The following CCDC171 variants were observed in gnomAD, a reference collection of about 807,000 sequenced individuals.
CCDC171 encodes coiled-coil domain-containing protein 171.
CCDC171 carries 177 observed loss-of-function variants against 168.2 expected under a neutral mutation model. The observed-to-expected ratio is 1.05, with a 90% CI of 0.93 to 1.19. CCDC171 has a LOEUF of 1.19. CCDC171 is among the 50% of genes most tolerant of loss of function. The probability of loss-of-function intolerance (pLI) is 0.00; values close to 1 mark genes in which losing one functional copy is unlikely to be tolerated. For synonymous variants in CCDC171, 687 were observed against 540.8 expected (o/e 1.27, Z -3.75); for missense variants, 1,991 against 1,539.0 (o/e 1.29, Z -4.91).
rs145107030 is a variant in CCDC171 at position 15,800,663 on chromosome 9, G to A, written c.3267+15969G>A. 5.8e-3 allele frequency among the ~76,000 whole-genome samples: 883 copies of A among 151,956 alleles called. 8 individuals carry two copies. Among genetic ancestry groups the A allele is most frequent in the Non-Finnish European group, 9.0e-3 (614 of 67,862 alleles). On this transcript the variant is annotated intron_variant, in intron 21 of 25. Transcript: ENST00000380701. ...TTTCTTTGGTTATCTGTGCTTGTGC[G>A]ATATTTCTTAAGAATTTTTTGCCCA... is the stretch of plus-strand genomic sequence containing the variant.
chr9:15,984,953 A>G (rs1831937781), intron 3 of CCDC171, among the ~76,000 whole-genome samples: 1 of 152,176 alleles, frequency 6.6e-6, no homozygotes, highest in Non-Finnish European at 1.5e-5. Context: ...GTTTTGATGT[A>G]TTTCTATATT....
At chr9:15,917,809 T>G (rs774621098) in intron 24 of CCDC171, among the ~76,000 whole-genome samples, 22 of 151,718 alleles carry the variant, frequency 1.5e-4, no homozygotes, top group Non-Finnish European at 2.5e-4. Context: ...CAGGAGCCTA[T>G]TACTGATGGA....
chr9:15,869,183 G>A (rs2061921226), intron 23 of CCDC171, among the ~76,000 whole-genome samples: 1 of 151,986 alleles, frequency 6.6e-6, no homozygotes, highest in South Asian at 2.1e-4. Context: ...ACTTTGAAAA[G>A]TATGAAGTAC....
chr9:16,057,760 A>G (rs767477664), intron 1 of CCDC171, among the ~76,000 whole-genome samples: 2 of 152,180 alleles, frequency 1.3e-5, no homozygotes, highest in African/African-American at 2.4e-5. Context: ...GTTTAGGTTT[A>G]GAGAGATTTA....
intron 4 of CCDC171, among the ~76,000 whole-genome samples, chr9:15,590,156 T>G (rs2041875593): frequency 6.6e-6 from 1 of 152,224 alleles, no homozygotes; most frequent in Non-Finnish European, 1.5e-5. Flanking sequence ...CCTGCAATGC[T>G]GGATGAGAGA....
rs755630560 is a variant in CCDC171, at chr9:15,744,480, G to A, written c.2257G>A (p.Asp753Asn). Residue 753 changes from aspartate to asparagine, a missense_variant, in exon 17 of 26, where the codon GAT (aspartate) becomes AAT (asparagine). Physicochemically the swap from Asp to Asn is conservative, Grantham distance 23. Transcript: ENST00000380701. The stretch of plus-strand genomic sequence containing the variant: ...ATCATGCGCCTTGTCTACACAGAGA[G>A]ATTTTCTCCAGGAGCAGGTCAACAC... ...SRSCALSTQR[D>N]FLQEQVNTFE... The A allele has an allele frequency of 3.7e-6, 6 of 1,614,076 alleles. No homozygotes were observed. Among genetic ancestry groups the A allele is most frequent in the Non-Finnish European group, 5.1e-6 (6 of 1,180,036 alleles).
At chr9:15,713,871 A>C (rs115784822) in intron 11 of CCDC171, among the ~76,000 whole-genome samples, 35 of 151,398 alleles carry the variant, frequency 2.3e-4, no homozygotes, top group African/African-American at 8.5e-4. Context: ...TACATACTAG[A>C]TTGTGATAGA....
intron 3 of CCDC171, among the ~76,000 whole-genome samples, chr9:15,575,464 G>A (rs554070610): frequency 1.3e-4 from 20 of 152,170 alleles, no homozygotes; most frequent in African/African-American, 2.9e-4. Flanking sequence ...GTGAGCCACC[G>A]TACTCGGCTG....
the CCDC171 span, among the ~76,000 whole-genome samples, chr9:16,083,740 T>C: frequency 3.5e-4 from 53 of 152,210 alleles, no homozygotes; most frequent in Non-Finnish European, 6.8e-4. Context: ...CCAGTGGTGT[T>C]AGCTCCCCTA....
rs539909886 is a variant in CCDC171, at chr9:15,600,379, G to A, written c.675+6207G>A. On this transcript the variant is annotated intron_variant, in intron 6 of 25. Coordinates refer to ENST00000380701, the MANE Select transcript of CCDC171 (RefSeq NM_173550.4). The stretch of plus-strand genomic sequence containing the variant: ...AGTCAGGACCCTTAGCTGAAGGTCT[G>A]TTGGAGTTTGCTGGAGGTCCACTCC... Among the ~76,000 whole-genome samples, 21 of 152,356 alleles carry A rather than the reference G, an allele frequency of 1.4e-4. No homozygotes were observed. In the East Asian group the frequency reaches 4.0e-3, roughly 29 times the overall value.
At chr9:16,058,622 A>G (rs1041222091) in intron 1 of CCDC171, among the ~76,000 whole-genome samples, 2 of 152,234 alleles carry the variant, frequency 1.3e-5, no homozygotes, top group Non-Finnish European at 2.9e-5. Context: ...GAAGCAGAAC[A>G]CAAAGAGACC....
chr9:15,597,122 T>C (rs1365307487), intron 6 of CCDC171, among the ~76,000 whole-genome samples: 3 of 152,174 alleles, frequency 2.0e-5, no homozygotes, highest in South Asian at 2.1e-4. Flanking sequence ...CTTTTCCTAA[T>C]TGAATACCCT....
At chr9:15,582,918 A>G (rs994736360) in intron 4 of CCDC171, among the ~76,000 whole-genome samples, 4 of 151,320 alleles carry the variant, frequency 2.6e-5, no homozygotes, top group East Asian at 1.9e-4. Context: ...GTATCTCGGA[A>G]CTTAAAGTAT....
At chr9:15,711,584 A>G (rs2052668683) in intron 11 of CCDC171, among the ~76,000 whole-genome samples, 1 of 152,238 alleles carries the variant, frequency 6.6e-6, no homozygotes, top group East Asian at 1.9e-4. Flanking sequence ...TTATAAGATA[A>G]GAACATGTAA....
chr9:15,688,284 T>C (rs932850336), intron 10 of CCDC171, among the ~76,000 whole-genome samples: 6 of 152,132 alleles, frequency 3.9e-5, no homozygotes, highest in Non-Finnish European at 8.8e-5. Flanking sequence ...GGTAAATTTA[T>C]TTAAATGTTT....
At chr9:15,587,369 G>A (rs748226890) in intron 4 of CCDC171, among the ~76,000 whole-genome samples, 3 of 152,084 alleles carry the variant, frequency 2.0e-5, no homozygotes, top group Non-Finnish European at 4.4e-5. Context: ...GAGATCTGAT[G>A]GTTTTAAAAA....
chr9:15,629,372 T>G (rs1045067887), intron 7 of CCDC171, among the ~76,000 whole-genome samples: 2 of 151,944 alleles, frequency 1.3e-5, no homozygotes, highest in African/African-American at 4.8e-5. Context: ...GAGAACTACG[T>G]GAAGAATGCA....
At chr9:16,007,588 C>G (rs1038371422) in intron 3 of CCDC171, among the ~76,000 whole-genome samples, 1 of 152,234 alleles carries the variant, frequency 6.6e-6, no homozygotes, top group East Asian at 1.9e-4. Context: ...AGTCTTTAAT[C>G]CATCTTGAAT....
At chr9:15,917,967 C>G (rs755182718) in intron 24 of CCDC171, among the ~76,000 whole-genome samples, 4 of 151,542 alleles carry the variant, frequency 2.6e-5, no homozygotes, top group Admixed American at 6.6e-5. Context: ...AAAAATAGAA[C>G]AATAGTAATA....
Sources: gnomAD v4.1 joint callset for allele counts (sites outside exome capture counted in the v4.1 genomes callset) on GRCh38, gnomAD v4.1.1 for gene constraint, MANE v1.5 for transcripts, NCBI Gene and HGNC (gene_info 2026-07-23, HGNC 2026-07-21) for gene names.